The following MED27 variants were observed in gnomAD, a reference collection of about 807,000 sequenced individuals.
MED27 encodes the protein mediator of RNA polymerase II transcription subunit 27.
In MED27, 30 loss-of-function variants were observed where a neutral mutation model predicts 38.2. The ratio of observed to expected loss-of-function variants is 0.79; its 90% confidence interval spans 0.59 to 1.07. The LOEUF is 1.07. MED27 is among the 50% of genes least tolerant of loss of function. The pLI is 0.00. For synonymous variants in MED27, 122 were observed against 153.5 expected (o/e 0.79, Z 1.52); for missense variants, 289 against 397.5 (o/e 0.73, Z 2.32).
rs541250612 is a variant in MED27 at position 131,861,344 on chromosome 9, C to G, written c.802-672G>C. On this transcript the variant is annotated intron_variant, in intron 7 of 7. Transcript: ENST00000292035. The surrounding 1 kb of genome is among the most constrained non-coding windows in gnomAD (Gnocchi z 4.4). Reference sequence around the variant, plus strand: ...TTCTCAAACACAAGGAGATTCACTACCAAAGAAAAAAATACCCAAACGTAA... The same window carrying G: ...TTCTCAAACACAAGGAGATTCACTAGCAAAGAAAAAAATACCCAAACGTAA... 6.6e-6 allele frequency among the ~76,000 whole-genome samples: 1 copy of G among 152,196 alleles called. No homozygotes were observed. Among genetic ancestry groups the G allele is most frequent in the Admixed American group, 6.5e-5 (1 of 15,286 alleles).
intron 2 of MED27, among the ~76,000 whole-genome samples, chr9:132,053,355 G>A (rs1339680931): frequency 2.0e-5 from 3 of 152,042 alleles, no homozygotes; most frequent in African/African-American, 7.2e-5. Context: ...GGGTACGGAG[G>A]TGCTAATTTT....
intron 6 of MED27, among the ~76,000 whole-genome samples, chr9:131,864,435 A>T (rs900836900): frequency 6.6e-6 from 1 of 152,228 alleles, no homozygotes; most frequent in Admixed American, 6.5e-5. Context: ...GTGAACTGTG[A>T]CTGTGCCACT....
At chr9:131,867,600 T>C (rs1376571131) in intron 6 of MED27, among the ~76,000 whole-genome samples, 1 of 152,208 alleles carries the variant, frequency 6.6e-6, no homozygotes, top group Non-Finnish European at 1.5e-5. Flanking sequence ...AATTTTCCCC[T>C]TAAGAATGGT....
At chr9:131,901,678 G>C (rs1358481542) in intron 4 of MED27, among the ~76,000 whole-genome samples, 1 of 152,186 alleles carries the variant, frequency 6.6e-6, no homozygotes, top group African/African-American at 2.4e-5. Flanking sequence ...GTTCCAAATG[G>C]GAATCTCCTC....
At chr9:131,874,177 G>A (rs1466175003) in intron 6 of MED27, among the ~76,000 whole-genome samples, 2 of 152,190 alleles carry the variant, frequency 1.3e-5, no homozygotes, top group African/African-American at 4.8e-5. Context: ...CCTGGCGCAC[G>A]TCTGTGCTCA....
chr9:131,969,743 T>A (rs1156282226), intron 3 of MED27, among the ~76,000 whole-genome samples: 2 of 152,310 alleles, frequency 1.3e-5, no homozygotes, highest in East Asian at 3.9e-4. Flanking sequence ...TGAGAGTGGC[T>A]ACTTGGAGGT....
chr9:131,923,440 T>C (rs911981225), intron 4 of MED27, among the ~76,000 whole-genome samples: 13 of 152,226 alleles, frequency 8.5e-5, no homozygotes, highest in African/African-American at 3.1e-4. Context: ...ACAGTTATTA[T>C]AATCCCTAGC....
In MED27 at chr9:131,997,850, G is replaced by T. The variant is rs1298754951; in HGVS notation, c.479+16487C>A. On this transcript the variant is annotated intron_variant, in intron 3 of 7. Coordinates refer to ENST00000292035, the MANE Select transcript of MED27 (RefSeq NM_004269.4). The surrounding 1 kb of genome is among the most constrained non-coding windows in gnomAD (Gnocchi z 4.0). The stretch of plus-strand genomic sequence containing the variant: ...TTCAAACTACATGAGTGCTCTATGC[G>T]GTGGCTTTCATTATTAACCAGTCCG... Among the ~76,000 whole-genome samples the T allele has an allele frequency of 2.0e-5, 3 of 152,154 alleles. No individual in the cohort carries two copies. Among genetic ancestry groups the T allele is most frequent in the Non-Finnish European group, 4.4e-5 (3 of 68,018 alleles).
At chr9:132,062,949 C>G (rs557284993) in intron 2 of MED27, among the ~76,000 whole-genome samples, 1 of 152,148 alleles carries the variant, frequency 6.6e-6, no homozygotes, top group Admixed American at 6.5e-5. Flanking sequence ...AAGACAGTTA[C>G]GTAATCAAAC....
At chr9:131,907,679 A>G (rs1205653840) in intron 4 of MED27, among the ~76,000 whole-genome samples, 1 of 132,414 alleles carries the variant, frequency 7.6e-6, no homozygotes, top group Non-Finnish European at 1.6e-5. Flanking sequence ...CTGGCCGCCC[A>G]TCGTCTGGGA....
chr9:131,904,383 G>A (rs1198739821), intron 4 of MED27, among the ~76,000 whole-genome samples: 1 of 151,748 alleles, frequency 6.6e-6, no homozygotes. Context: ...TGCCTAATAA[G>A]ACGTGTTTTA....
chr9:132,073,643 A>G (rs1263080282), intron 2 of MED27: 3 of 1,458,224 alleles, frequency 2.1e-6, no homozygotes, highest in Admixed American at 3.1e-5. Context: ...CTTAGTCATT[A>G]AGCAACTGGA....
At chr9:132,019,652 C>A (rs1832677935) in intron 2 of MED27, among the ~76,000 whole-genome samples, 1 of 152,234 alleles carries the variant, frequency 6.6e-6, no homozygotes, top group South Asian at 2.1e-4. Context: ...GAGATGCCAG[C>A]CTTAAAGAGG....
intron 3 of MED27, among the ~76,000 whole-genome samples, chr9:131,949,535 T>TAGG (rs1375250966): frequency 2.0e-5 from 3 of 152,228 alleles, no homozygotes; most frequent in Non-Finnish European, 4.4e-5. Context: ...TTCCCCATTC[T>TAGG]AGGGCTTTCT....
At chr9:131,973,581 C>G (rs1831533663) in intron 3 of MED27, among the ~76,000 whole-genome samples, 1 of 151,700 alleles carries the variant, frequency 6.6e-6, no homozygotes, top group Non-Finnish European at 1.5e-5. Flanking sequence ...GCAGAGTTAC[C>G]TGGGACTTGG....
At chr9:132,035,299 A>C (rs1833049960) in intron 2 of MED27, among the ~76,000 whole-genome samples, 1 of 152,210 alleles carries the variant, frequency 6.6e-6, no homozygotes, top group Non-Finnish European at 1.5e-5. Context: ...ATATTAATAC[A>C]TCCTGAGTCA....
intron 5 of MED27, among the ~76,000 whole-genome samples, chr9:131,892,196 AGAAG>A (rs1470685213): frequency 6.6e-6 from 1 of 152,206 alleles, no homozygotes; most frequent in African/African-American, 2.4e-5. Context: ...AAGACAAGAA[AGAAG>A]GAAGTAACTG....
At position 131,862,616 on chromosome 9, in the gene MED27, G is replaced by C. The variant is rs898569875; in HGVS notation, c.801+447C>G. On this transcript the variant is annotated intron_variant, in intron 7 of 7. Coordinates refer to ENST00000292035, the MANE Select transcript of MED27 (RefSeq NM_004269.4). This position sits in a 1 kb window ranked among gnomAD's most constrained non-coding sequence, Gnocchi z 4.6. ...ACTGAACAGGCACTGGCAGGAGCCG[G>C]CTGCAGCACCCCATTGGAATGGCTG... 1.3e-5 allele frequency among the ~76,000 whole-genome samples: 2 copies of C among 152,192 alleles called. No homozygotes were observed. The highest frequency in any genetic ancestry group is 4.8e-5 in the African/African-American group (2 of 41,444).
intron 3 of MED27, among the ~76,000 whole-genome samples, chr9:131,945,208 T>C (rs1454855793): frequency 6.7e-6 from 1 of 150,234 alleles, no homozygotes. Flanking sequence ...ATAACTGAAA[T>C]GGCATAGGGG....
Sources: gnomAD v4.1 joint callset for allele counts (sites outside exome capture counted in the v4.1 genomes callset) on GRCh38, gnomAD v4.1.1 for gene constraint, Gnocchi (gnomAD v3.1) non-coding constraint, MANE v1.5 for transcripts, NCBI Gene and HGNC (gene_info 2026-07-23, HGNC 2026-07-21) for gene names.